The following HSPG2 variants were observed in gnomAD, a reference collection of about 807,000 sequenced individuals.
HSPG2 encodes the protein basement membrane-specific heparan sulfate proteoglycan core protein.
In HSPG2, 278 loss-of-function variants were observed where a neutral mutation model predicts 526.6. The ratio of observed to expected loss-of-function variants is 0.53; its 90% CI spans 0.48 to 0.58. The LOEUF is 0.58. Among genes scored for constraint, HSPG2 ranks in the 20% least tolerant of loss-of-function variants. The pLI is 0.00. For synonymous variants in HSPG2, 2,465 were observed against 2,555.4 expected, an observed-to-expected ratio of 0.96 and a Z score of 1.07; for missense variants, 5,354 against 6,099.5, an observed-to-expected ratio of 0.88 and a Z score of 4.07.
chr1:21,888,557 T>G (rs1011157985), intron 6 of HSPG2: 1 of 660,648 alleles, frequency 1.5e-6, no homozygotes, highest in African/African-American at 1.9e-5. Context: ...CCTCCCGTCT[T>G]GGCCTCCCAA....
chr1:21,905,171 C>CACACACACACA (rs1557816019), intron 1 of HSPG2, among the ~76,000 whole-genome samples: 2 of 81,818 alleles, frequency 2.4e-5, no homozygotes, highest in Non-Finnish European at 3.0e-5. Context: ...CACCACCCAC[C>CACACACACACA]CACACACACA....
rs996143855 is a variant in HSPG2 at position 21,880,227 on chromosome 1, G to A, written c.2223C>T (p.Ser741=). The A allele has an allele frequency of 5.0e-6, 8 of 1,614,166 alleles. No homozygotes were observed. The highest frequency in any genetic ancestry group is 6.8e-6 in the Non-Finnish European group (8 of 1,180,042). The stretch of plus-strand genomic sequence containing the variant: ...TGAAGTGGGCATCACAGCTCTCGCA[G>A]GACAAGCCAGAATAGCCAATGGGGC... ...CRCPIGYSGL[S]CESCDAHFTR... Residue 741 remains serine (S), a synonymous_variant, in exon 17 of 97, where the codon TCC becomes TCT. Transcript: ENST00000374695.
At chr1:21,835,080 A>G (rs893576768) in intron 76 of HSPG2, 135 bp from the exon 77 acceptor site, 30 of 966,468 alleles carry the variant, frequency 3.1e-5, no homozygotes, top group Non-Finnish European at 4.7e-5. Flanking sequence ...TTTTTCATGC[A>G]TTCACTCACA....
chr1:21,828,366 C>G lies in HSPG2; in HGVS notation c.12298G>C (p.Gly4100Arg). ...TYSFLGSQGI[G>R]QCYDSSPCER... The stretch of plus-strand genomic sequence containing the variant: ...CATGGGGAGCTATCATAGCATTGCC[C>G]GATGCCCTGGCTGCCTAGGAAACTG... Residue 4100 changes from glycine to arginine, a missense_variant, in exon 89 of 97, where the codon GGG becomes CGG. Gly to Arg is a moderately radical substitution (Grantham distance 125, BLOSUM62 -2). Coordinates refer to ENST00000374695, the MANE Select transcript of HSPG2 (RefSeq NM_005529.7). The surrounding 1 kb of genome is among the most constrained non-coding windows in gnomAD (Gnocchi z 6.0). 6.2e-7 allele frequency: 1 copy of G among 1,613,816 alleles called. No individual in the cohort carries two copies. Among genetic ancestry groups the G allele is most frequent in the Non-Finnish European group, 8.5e-7 (1 of 1,180,012 alleles).
In HSPG2 at chr1:21,854,983, C is replaced by A; in HGVS notation, c.5998G>T (p.Ala2000Ser). 1 of 1,612,376 alleles carries A rather than the reference C, an allele frequency of 6.2e-7. No individual in the cohort carries two copies. Among genetic ancestry groups the A allele is most frequent in the Non-Finnish European group, 8.5e-7 (1 of 1,179,986 alleles). ...GCGATGTCTGTGCGCTCTGACCGGG[C>A]CTGCCGTGGGTGAGATGGGTCAGCT... ...RKEGGSLPPQ[A>S]RSERTDIATL... Residue 2000 changes from alanine (A) to serine (S), a missense_variant and splice_region_variant, in exon 48 of 97, where the codon GCC becomes TCC. Coordinates refer to ENST00000374695, the MANE Select transcript of HSPG2 (RefSeq NM_005529.7).
chr1:21,910,220 T>A (rs1194907906), intron 1 of HSPG2, among the ~76,000 whole-genome samples: 1 of 152,198 alleles, frequency 6.6e-6, no homozygotes, highest in African/African-American at 2.4e-5. Flanking sequence ...TATTTAAAGC[T>A]CTGACTGGGC....
chr1:21,873,214 G>T, intron 30 of HSPG2, 123 bp from the exon 31 acceptor site: 1 of 1,147,850 alleles, frequency 8.7e-7, no homozygotes, highest in East Asian at 2.3e-5. Flanking sequence ...ACACTCTCAC[G>T]ACAGCCCTCG....
intron 1 of HSPG2, among the ~76,000 whole-genome samples, chr1:21,920,389 GAA>G (rs1446750174): frequency 6.6e-6 from 1 of 152,182 alleles, no homozygotes; most frequent in Non-Finnish European, 1.5e-5. Flanking sequence ...GCGTGGAGCT[GAA>G]GACACCCCAG....
At chr1:21,935,884 C>T (rs1286404388) in intron 1 of HSPG2, among the ~76,000 whole-genome samples, 1 of 151,986 alleles carries the variant, frequency 6.6e-6, no homozygotes, top group Non-Finnish European at 1.5e-5. Context: ...GAGGAGGCTG[C>T]CCAGAGTGGG....
intron 13 of HSPG2, 128 bp from the exon 14 acceptor site, chr1:21,881,630 T>C (rs1352614745): frequency 2.2e-6 from 2 of 912,286 alleles, no homozygotes; most frequent in African/African-American, 1.7e-5. Context: ...AACTTTGATC[T>C]CTCTTCCAAA....
chr1:21,847,701 G>A lies in HSPG2; in HGVS notation c.8013C>T (p.Pro2671=). 1 of 1,609,034 alleles carries A rather than the reference G, an allele frequency of 6.2e-7. No homozygotes were observed. The highest frequency in any genetic ancestry group is 8.5e-7 in the Non-Finnish European group (1 of 1,177,948). ...CTCCACTCTGTACCTGGTGTCGGGA[G>A]GGAAGGCTGCCCCCACGCTTGTACC... ...ITWYKRGGSL[P]SRHQTHGSHL... Residue 2671 remains proline (P), a synonymous_variant, in exon 61 of 97, where the codon CCC becomes CCT. Coordinates refer to ENST00000374695, the MANE Select transcript of HSPG2 (RefSeq NM_005529.7). This position sits in a 1 kb window ranked among gnomAD's most constrained non-coding sequence, Gnocchi z 4.1.
Position 21,860,178 on chromosome 1 carries a change from C to A in HSPG2, c.5013G>T (p.Glu1671Asp), listed in dbSNP as rs1186370534. The A allele has an allele frequency of 6.2e-7, 1 of 1,613,880 alleles. No homozygotes were observed. The highest frequency in any genetic ancestry group is 2.2e-5 in the East Asian group (1 of 44,882). The part of the protein sequence containing the change: ...PSVQGGQCLP[E>D]TNQAPLVVEV... ...ATCCTGGGCCATGGTCCCACTTACT[C>A]TCTGGCAGGCACTGGCCCCCTTGCA... Residue 1671 changes from glutamate (E) to aspartate (D), a missense_variant and splice_region_variant, in exon 40 of 97, where the codon GAG becomes GAT. Coordinates refer to ENST00000374695, the MANE Select transcript of HSPG2 (RefSeq NM_005529.7).
chr1:21,889,817 C>A, intron 6 of HSPG2, 164 bp downstream of exon 6: 1 of 748,010 alleles, frequency 1.3e-6, no homozygotes, highest in South Asian at 1.6e-5. Flanking sequence ...AGTCTGTGCT[C>A]TACCAAGCCA....
At chr1:21,846,078 GC>G in intron 64 of HSPG2, 29 bp downstream of exon 64, 3 of 1,610,866 alleles carry the variant, frequency 1.9e-6, no homozygotes, top group Non-Finnish European at 2.5e-6. Context: ...CCCTCCCCCG[GC>G]CTTCCCGTCC....
chr1:21,896,078 C>T (rs1412197386), intron 2 of HSPG2, 97 bp downstream of exon 2: 2 of 1,603,822 alleles, frequency 1.2e-6, no homozygotes, highest in African/African-American at 2.7e-5. Flanking sequence ...GTTGAGAAAG[C>T]TCGGAATGGT....
intron 26 of HSPG2, 27 bp downstream of exon 26, chr1:21,874,855 GGGGCTGGCT>G: frequency 6.4e-7 from 1 of 1,566,260 alleles, no homozygotes; most frequent in Non-Finnish European, 8.7e-7. Flanking sequence ...CACCATGGAG[GGGGCTGGCT>G]GGGCTGGCGT....
chr1:21,926,914 T>C (rs1468229499), intron 1 of HSPG2, among the ~76,000 whole-genome samples: 3 of 152,052 alleles, frequency 2.0e-5, no homozygotes, highest in Non-Finnish European at 4.4e-5. Context: ...TATTTGAAAA[T>C]TGGAAACGCC....
At chr1:21,935,606 T>C (rs1490039621) in intron 1 of HSPG2, among the ~76,000 whole-genome samples, 1 of 152,204 alleles carries the variant, frequency 6.6e-6, no homozygotes, top group African/African-American at 2.4e-5. Context: ...TCCAGGAATG[T>C]CTGTGGAAAT....
chr1:21,832,668 C>T, intron 80 of HSPG2, 62 bp from the exon 81 acceptor site: 1 of 1,260,312 alleles, frequency 7.9e-7, no homozygotes, highest in East Asian at 2.3e-5. Flanking sequence ...TCCTCCCCCA[C>T]CCTAGAAACC....
Sources: allele counts gnomAD v4.1 joint callset (sites outside exome capture counted in the v4.1 genomes callset), GRCh38; gene constraint gnomAD v4.1.1; non-coding constraint Gnocchi (gnomAD v3.1); transcripts MANE v1.5; gene names NCBI Gene and HGNC (gene_info 2026-07-23, HGNC 2026-07-21).